Variants in TSHZ2 observed in about 807,000 individuals in gnomAD.
TSHZ2 encodes teashirt homolog 2.
In TSHZ2, 21 loss-of-function variants were observed where a neutral mutation model predicts 74.4. That is an observed-to-expected ratio of 0.28 (90% CI 0.20 to 0.41). TSHZ2 has a LOEUF of 0.41. Among genes scored for constraint, TSHZ2 ranks in the 10% least tolerant of loss-of-function variants. The pLI, the probability that TSHZ2 is intolerant of heterozygous loss-of-function variation, is 1.00. For missense variants in TSHZ2, 1,244 were observed against 1,293.5 expected (o/e 0.96, Z 0.59); for synonymous variants, 540 against 515.3 (o/e 1.05, Z -0.65).
intron 1 of TSHZ2, among the ~76,000 whole-genome samples, chr20:53,171,376 A>C (rs1021335965): frequency 2.6e-5 from 4 of 152,214 alleles, no homozygotes; most frequent in Admixed American, 1.3e-4. Flanking sequence ...TATCTAATCC[A>C]CATGCTTTTA....
At chr20:53,062,511 T>C (rs1409400109) in intron 1 of TSHZ2, among the ~76,000 whole-genome samples, 1 of 152,216 alleles carries the variant, frequency 6.6e-6, no homozygotes, top group Non-Finnish European at 1.5e-5. Flanking sequence ...TTACAAGTGT[T>C]AGTGTTTCTT....
At chr20:53,033,420 C>T (rs986192043) in intron 1 of TSHZ2, among the ~76,000 whole-genome samples, 3 of 152,098 alleles carry the variant, frequency 2.0e-5, no homozygotes, top group Admixed American at 6.5e-5. Context: ...AACATAAGCT[C>T]TACCAGTGAC....
intron 2 of TSHZ2, among the ~76,000 whole-genome samples, chr20:53,368,478 ATTTTATTT>A (rs538385408): frequency 1.6e-3 from 243 of 151,724 alleles, no homozygotes; most frequent in African/African-American, 5.5e-3. Flanking sequence ...TAATTTTTTT[ATTTTATTT>A]TTTTAGTAGA....
intron 1 of TSHZ2, among the ~76,000 whole-genome samples, chr20:53,193,167 C>CA (rs11481103): frequency 0.81 from 111,964 of 137,728 alleles, 44,888 homozygotes; most frequent in South Asian, 0.84. Context: ...AAAATACTTT[C>CA]AAAAAAAAAA....
rs11471151 is a variant in TSHZ2, at chr20:53,069,662, T to TAC, written c.40+96376_40+96377dup. The stretch of plus-strand genomic sequence containing the variant: ...GCCTAGCAAAAGGTCAATGCTTTGA[T>TAC]ACACACACACACACACACACACACA... On this transcript the variant is annotated intron_variant, in intron 1 of 2. Coordinates refer to ENST00000371497, the MANE Select transcript of TSHZ2 (RefSeq NM_173485.6). Among the ~76,000 whole-genome samples the TAC allele has an allele frequency of 8.2e-3, 1,134 of 138,938 alleles. 8 individuals are homozygous for TAC. Among genetic ancestry groups the TAC allele is most frequent in the Non-Finnish European group, 9.8e-3 (633 of 64,900 alleles). The allele number at this position is 138,938 out of a possible 152,430, so 91.1% of individuals were successfully genotyped here.
At chr20:53,160,612 T>C (rs1213624303) in intron 1 of TSHZ2, among the ~76,000 whole-genome samples, 1 of 151,812 alleles carries the variant, frequency 6.6e-6, no homozygotes, top group African/African-American at 2.4e-5. Flanking sequence ...CTACTAAAAA[T>C]ACAAAAATTA....
chr20:53,385,418 A>T (rs1490607192), intron 2 of TSHZ2, among the ~76,000 whole-genome samples: 2 of 152,112 alleles, frequency 1.3e-5, no homozygotes, highest in East Asian at 1.9e-4. Flanking sequence ...GCTAATGGAG[A>T]TACTGGGGCG....
intron 1 of TSHZ2, among the ~76,000 whole-genome samples, chr20:53,163,457 T>TTTTATTTTATTTTA (rs61400951): frequency 1.3e-4 from 18 of 137,624 alleles, no homozygotes; most frequent in African/African-American, 5.6e-4. Context: ...TTTTATTTTA[T>TTTTATTTTATTTTA]TTTTTTTTAT....
At chr20:53,008,558 T>A (rs970268224) in intron 1 of TSHZ2, among the ~76,000 whole-genome samples, 5 of 53,272 alleles carry the variant, frequency 9.4e-5, no homozygotes, top group African/African-American at 2.8e-4. Flanking sequence ...TATAATCACC[T>A]TTTTTTTTTT....
intron 2 of TSHZ2, among the ~76,000 whole-genome samples, chr20:53,337,504 G>C (rs1422393143): frequency 6.6e-6 from 1 of 152,278 alleles, no homozygotes; most frequent in East Asian, 1.9e-4. Flanking sequence ...ACAGAGGCTG[G>C]AGCTGGAGTA....
chr20:53,447,220 TC>T (rs1159974879), intron 2 of TSHZ2, among the ~76,000 whole-genome samples: 1 of 152,184 alleles, frequency 6.6e-6, no homozygotes, highest in Non-Finnish European at 1.5e-5. Flanking sequence ...TCACCGGACT[TC>T]AGTGTTCCCC....
intron 1 of TSHZ2, among the ~76,000 whole-genome samples, chr20:53,129,329 A>C (rs1023190335): frequency 2.0e-5 from 3 of 152,062 alleles, no homozygotes; most frequent in African/African-American, 4.8e-5. Context: ...GGTACGTGTG[A>C]TGTTTTGATC....
intron 1 of TSHZ2, among the ~76,000 whole-genome samples, chr20:53,033,418 C>T (rs889995785): frequency 2.6e-5 from 4 of 152,094 alleles, no homozygotes; most frequent in African/African-American, 9.7e-5. Flanking sequence ...CGAACATAAG[C>T]TCTACCAGTG....
chr20:53,012,266 A>G (rs1338844907), intron 1 of TSHZ2, among the ~76,000 whole-genome samples: 2 of 151,956 alleles, frequency 1.3e-5, no homozygotes, highest in Non-Finnish European at 2.9e-5. Flanking sequence ...TGACCTTATC[A>G]CCTTCCGTTC....
At chr20:53,250,641 T>C (rs1048454226) in intron 1 of TSHZ2, among the ~76,000 whole-genome samples, 10 of 152,068 alleles carry the variant, frequency 6.6e-5, no homozygotes, top group African/African-American at 2.2e-4. Flanking sequence ...ACAAAAAGGG[T>C]CTCTCAGCAC....
At chr20:53,066,118 G>A (rs974601434) in intron 1 of TSHZ2, among the ~76,000 whole-genome samples, 15 of 152,302 alleles carry the variant, frequency 9.8e-5, no homozygotes, top group Admixed American at 7.2e-4. Context: ...TTCTGCTCCT[G>A]CGTCATGGTG....
intron 2 of TSHZ2, among the ~76,000 whole-genome samples, chr20:53,294,402 C>G (rs1991337760): frequency 6.6e-6 from 1 of 152,048 alleles, no homozygotes; most frequent in African/African-American, 2.4e-5. Context: ...TTCCCCACCT[C>G]TTGCTCAGGA....
chr20:53,396,476 T>G (rs765161166), intron 2 of TSHZ2, among the ~76,000 whole-genome samples: 9 of 152,044 alleles, frequency 5.9e-5, no homozygotes, highest in Non-Finnish European at 1.2e-4. Flanking sequence ...AGCATACAGG[T>G]ACTATCTCTC....
chr20:53,327,445 C>T (rs539878710), intron 2 of TSHZ2, among the ~76,000 whole-genome samples: 9 of 152,196 alleles, frequency 5.9e-5, no homozygotes, highest in Admixed American at 2.0e-4. Context: ...GCCAAAATGG[C>T]GCCATTGCAC....
Sources: allele counts gnomAD v4.1 joint callset (sites outside exome capture counted in the v4.1 genomes callset), GRCh38; gene constraint gnomAD v4.1.1; transcripts MANE v1.5; gene names NCBI Gene and HGNC (gene_info 2026-07-23, HGNC 2026-07-21).